Variants in SLA observed in about 807,000 individuals in gnomAD.
SLA encodes Src like adaptor, also known as src-like-adapter.
A neutral mutation model predicts 30.3 loss-of-function variants in SLA; 16 were observed. That is an observed-to-expected ratio of 0.53 (90% CI 0.36 to 0.80). The LOEUF is 0.80. Among genes scored for constraint, SLA ranks in the 30% least tolerant of loss-of-function variants. SLA has a pLI of 0.01. For synonymous variants in SLA, 143 were observed against 137.8 expected, an observed-to-expected ratio of 1.04 and a Z score of -0.26; for missense variants, 310 against 345.2, an observed-to-expected ratio of 0.90 and a Z score of 0.81.
intron 1 of SLA, among the ~76,000 whole-genome samples, chr8:133,089,345 T>C (rs982538133): frequency 6.6e-6 from 1 of 152,186 alleles, no homozygotes; most frequent in Non-Finnish European, 1.5e-5. Context: ...TCAGGAGGTA[T>C]TGATGCTCCA....
chr8:133,079,384 G>A (rs1228894451), intron 1 of SLA, among the ~76,000 whole-genome samples: 1 of 152,204 alleles, frequency 6.6e-6, no homozygotes, highest in South Asian at 2.1e-4. Context: ...CTACGCTGTG[G>A]TCATCACCTT....
At chr8:133,071,904 T>A (rs1225107817) in intron 2 of SLA, among the ~76,000 whole-genome samples, 1 of 152,192 alleles carries the variant, frequency 6.6e-6, no homozygotes, top group Non-Finnish European at 1.5e-5. Context: ...AAAGCCATGA[T>A]CTAGCCGGTG....
At chr8:133,075,224 T>A (rs1446837334) in intron 1 of SLA, 94 bp from the exon 2 acceptor site, 1 of 687,678 alleles carries the variant, frequency 1.5e-6, no homozygotes, top group Non-Finnish European at 1.8e-6. Flanking sequence ...AGCTTGGTCT[T>A]CTTTCTCTAA....
chr8:133,066,721 T>A (rs1438495450), intron 2 of SLA, among the ~76,000 whole-genome samples: 2 of 152,240 alleles, frequency 1.3e-5, no homozygotes, highest in East Asian at 3.8e-4. Context: ...AGTTCACTTC[T>A]CTGAGCCTTG....
chr8:133,039,660 A>G (rs1021063232), intron 8 of SLA, among the ~76,000 whole-genome samples: 3 of 152,220 alleles, frequency 2.0e-5, no homozygotes, highest in African/African-American at 7.2e-5. Flanking sequence ...TTTACACAGG[A>G]TGTGTTACTT....
At chr8:133,090,241 G>A (rs548504464) in intron 1 of SLA, 2 of 152,332 alleles carry the variant, frequency 1.3e-5, no homozygotes, top group South Asian at 4.1e-4. Context: ...GAGGCCCAGT[G>A]GTCTGGTGAG....
At chr8:133,092,591 C>G (rs568676926) in intron 1 of SLA, among the ~76,000 whole-genome samples, 1 of 152,300 alleles carries the variant, frequency 6.6e-6, no homozygotes, top group Admixed American at 6.5e-5. Flanking sequence ...CCTCATGCAT[C>G]TTTGCAGCAA....
At chr8:133,075,813 C>T (rs1436777071) in intron 1 of SLA, among the ~76,000 whole-genome samples, 1 of 152,032 alleles carries the variant, frequency 6.6e-6, no homozygotes, top group Non-Finnish European at 1.5e-5. Flanking sequence ...ATGAGGGAGA[C>T]AGAAGGCAAA....
chr8:133,082,901 G>C (rs1167088654), intron 1 of SLA, among the ~76,000 whole-genome samples: 1 of 152,124 alleles, frequency 6.6e-6, no homozygotes, highest in Non-Finnish European at 1.5e-5. Flanking sequence ...CTCGAAACTA[G>C]CCTCGATGTA....
At chr8:133,085,229 A>G (rs1031886263) in intron 1 of SLA, among the ~76,000 whole-genome samples, 22 of 152,240 alleles carry the variant, frequency 1.4e-4, no homozygotes, top group African/African-American at 5.3e-4. Context: ...AAGTTTTTAT[A>G]TATCTATAGA....
chr8:133,049,660 T>A (rs1840054552), intron 5 of SLA: 1 of 507,360 alleles, frequency 2.0e-6, no homozygotes, highest in African/African-American at 1.9e-5. Flanking sequence ...AGGAGCACCA[T>A]GTTAGAGCTG....
At chr8:133,039,361 G>A (rs1032853312) in intron 8 of SLA, among the ~76,000 whole-genome samples, 2 of 152,054 alleles carry the variant, frequency 1.3e-5, no homozygotes, top group Admixed American at 1.3e-4. Flanking sequence ...GTAAATTTTA[G>A]TAAAAATTAA....
chr8:133,094,004 A>G (rs559662040), intron 1 of SLA, among the ~76,000 whole-genome samples: 2 of 152,280 alleles, frequency 1.3e-5, no homozygotes, highest in South Asian at 4.1e-4. Context: ...TGGCACTGGT[A>G]TCACCACCAC....
intron 1 of SLA, chr8:133,096,470 C>T: frequency 6.8e-7 from 1 of 1,460,180 alleles, no homozygotes; most frequent in South Asian, 1.2e-5. Context: ...TGACCAATTG[C>T]TGAGTAACTA....
chr8:133,091,574 G>T (rs1280306054), intron 1 of SLA, among the ~76,000 whole-genome samples: 1 of 152,124 alleles, frequency 6.6e-6, no homozygotes, highest in Non-Finnish European at 1.5e-5. Flanking sequence ...TTGTGTGTGT[G>T]TTTGTGTGTA....
chr8:133,044,313 C>T (rs1035822140), intron 7 of SLA, among the ~76,000 whole-genome samples: 2 of 152,180 alleles, frequency 1.3e-5, no homozygotes, highest in African/African-American at 4.8e-5. Flanking sequence ...CCAGCCACCA[C>T]ACCACATGAT....
In SLA at chr8:133,044,979, C is replaced by T. The variant is rs537695979; in HGVS notation, c.484+5G>A. 1.9e-6 allele frequency: 3 copies of T among 1,614,164 alleles called. No individual in the cohort carries two copies. Among genetic ancestry groups the T allele is most frequent in the South Asian group, 1.1e-5 (1 of 91,086 alleles). ...CACAATCACTCCATATTGTATGTCT[C>T]TTACCAGAATAGTGGTTCACCAGGT... On this transcript the variant is annotated splice_donor_5th_base_variant and intron_variant, in intron 7 of 8. Transcript: ENST00000338087.
chr8:133,040,245 G>T, intron 7 of SLA, 115 bp from the exon 8 acceptor site: 1 of 1,177,550 alleles, frequency 8.5e-7, no homozygotes. Context: ...TGGGGAACTG[G>T]GCCTGAGATT....
chr8:133,089,328 CT>C (rs759488221), intron 1 of SLA, among the ~76,000 whole-genome samples: 3 of 152,210 alleles, frequency 2.0e-5, no homozygotes, highest in Non-Finnish European at 4.4e-5. Context: ...CCATCAGAAG[CT>C]CACATTCAGG....
Sources: allele counts gnomAD v4.1 joint callset (sites outside exome capture counted in the v4.1 genomes callset), GRCh38; gene constraint gnomAD v4.1.1; transcripts MANE v1.5; gene names NCBI Gene and HGNC (gene_info 2026-07-23, HGNC 2026-07-21).